Variants in GZMK observed in about 807,000 individuals in gnomAD.
GZMK encodes the protein NK-Tryp-2.
GZMK carries 18 observed loss-of-function variants against 22.8 expected under a neutral mutation model. That is an observed-to-expected ratio of 0.79 (90% CI 0.54 to 1.17). The LOEUF is 1.17. Among genes scored for constraint, GZMK ranks in the 50% most tolerant of loss-of-function variants. The pLI, the probability that GZMK is intolerant of heterozygous loss-of-function variation, is 0.00. For missense variants in GZMK, 342 were observed against 320.2 expected, an observed-to-expected ratio of 1.07 and a Z score of -0.52; for synonymous variants, 136 against 115.0, an observed-to-expected ratio of 1.18 and a Z score of -1.17.
In GZMK at chr5:55,031,469, A is replaced by G. The variant is rs2111618295; in HGVS notation, c.469A>G (p.Thr157Ala). ...TKCKVTGWGA[T>A]DPDSLRPSDT... ...ATGCAAGGTTACTGGCTGGGGAGCC[A>G]CCGATCCAGATTCATTAAGACCTTC... The change falls in exon 4 of 5, where the codon ACC becomes GCC. Residue 157 changes from threonine to alanine, a missense_variant. Thr to Ala is a moderately conservative substitution (Grantham distance 58). Transcript: ENST00000231009. The G allele has an allele frequency of 1.9e-6, 3 of 1,614,146 alleles. No individual in the cohort carries two copies. Among genetic ancestry groups the G allele is most frequent in the East Asian group, 4.5e-5 (2 of 44,864 alleles).
intron 2 of GZMK, among the ~76,000 whole-genome samples, chr5:55,029,791 A>C (rs1015134773): frequency 6.6e-5 from 10 of 152,012 alleles, no homozygotes; most frequent in African/African-American, 2.2e-4. Flanking sequence ...CCTGGCCTCA[A>C]ATGATCCTCC....
chr5:55,031,027 G>A (rs1460394435), intron 3 of GZMK, among the ~76,000 whole-genome samples: 2 of 152,162 alleles, frequency 1.3e-5, no homozygotes, highest in Non-Finnish European at 2.9e-5. Flanking sequence ...CATACTCAAG[G>A]GTCCTATCCG....
chr5:55,027,939 C>T (rs1002735744), intron 2 of GZMK, among the ~76,000 whole-genome samples: 3 of 152,128 alleles, frequency 2.0e-5, no homozygotes, highest in African/African-American at 7.2e-5. Context: ...AGGTGGCATC[C>T]CAGAACTCAA....
rs547914148 is a variant in GZMK at position 55,033,977 on chromosome 5, C to T, written c.*51C>T. The T allele has an allele frequency of 3.5e-5, 52 of 1,479,824 alleles. No individual in the cohort carries two copies. In the Admixed American group the frequency reaches 6.7e-4, roughly 19 times the overall value. 91.7% of individuals were successfully genotyped at this position (1,479,824 alleles called of 1,614,324 possible). ...CTTGCTTCTTTTTTCCTAATATGCT[C>T]GCAGGTTAGAGTTGGGTGTAAGTAA... On this transcript the variant is annotated 3_prime_UTR_variant, in exon 5 of 5. Coordinates refer to ENST00000231009, the MANE Select transcript of GZMK (RefSeq NM_002104.3).
Position 55,033,982 on chromosome 5 carries a change from G to A in GZMK, c.*56G>A. On this transcript the variant is annotated 3_prime_UTR_variant, in exon 5 of 5. Transcript: ENST00000231009. ...TTCTTTTTTCCTAATATGCTCGCAG[G>A]TTAGAGTTGGGTGTAAGTAAAGCAG... The A allele has an allele frequency of 2.1e-6, 3 of 1,440,890 alleles. No homozygotes were observed. The highest frequency in any genetic ancestry group is 2.9e-6 in the Non-Finnish European group (3 of 1,045,476). 89.3% of individuals were successfully genotyped at this position (1,440,890 alleles called of 1,614,324 possible).
At chr5:55,030,829 A>C (rs560883831) in intron 3 of GZMK, among the ~76,000 whole-genome samples, 8 of 151,970 alleles carry the variant, frequency 5.3e-5, no homozygotes, top group Admixed American at 5.2e-4. Context: ...CATATGTAGG[A>C]GGGGAACATC....
At position 55,024,688 on chromosome 5, in the gene GZMK, A is replaced by G. The variant is rs372309551; in HGVS notation, c.93A>G (p.Lys31=). The stretch of plus-strand genomic sequence containing the variant: ...TCAATATGGAAATTATTGGAGGGAA[A>G]GAAGTGTCACCTCATTCCAGGCCAT... ...VCFNMEIIGG[K]EVSPHSRPFM... The change falls in exon 2 of 5, where the codon AAA becomes AAG. Residue 31 remains lysine, a synonymous_variant. Transcript: ENST00000231009. The G allele has an allele frequency of 1.8e-5, 29 of 1,607,622 alleles. No individual in the cohort carries two copies. Among genetic ancestry groups the G allele is most frequent in the Non-Finnish European group, 1.4e-5 (16 of 1,174,466 alleles).
At chr5:55,029,054 A>G (rs775723373) in intron 2 of GZMK, among the ~76,000 whole-genome samples, 109 of 152,080 alleles carry the variant, frequency 7.2e-4, no homozygotes, top group Non-Finnish European at 1.4e-3. Context: ...GGCCAACATG[A>G]TGAAATTCCG....
chr5:55,024,879 C>G, intron 2 of GZMK, 72 bp downstream of exon 2: 1 of 921,688 alleles, frequency 1.1e-6, no homozygotes, highest in Non-Finnish European at 1.6e-6. Context: ...AAGCTTACCT[C>G]TCCTGAATGA....
chr5:55,028,470 C>T (rs999593047), intron 2 of GZMK: 20 of 149,794 alleles, frequency 1.3e-4, no homozygotes, highest in Non-Finnish European at 1.1e-4. Flanking sequence ...AAAATAAACT[C>T]TTTTGGTAGA....
At chr5:55,027,230 G>A (rs1175599080) in intron 2 of GZMK, among the ~76,000 whole-genome samples, 2 of 152,196 alleles carry the variant, frequency 1.3e-5, no homozygotes, top group African/African-American at 4.8e-5. Flanking sequence ...GAACTTAATA[G>A]ATGTTATCGA....
In GZMK at chr5:55,024,984, T is replaced by G. The variant is rs957707815; in HGVS notation, c.212+177T>G. Reference sequence around the variant, plus strand: ...CCACGCTTTCTGTCTTGGGTTTTCCTTTTCAGAGAGAACTGAGCTGCTTTT... The same window carrying G: ...CCACGCTTTCTGTCTTGGGTTTTCCGTTTCAGAGAGAACTGAGCTGCTTTT... On this transcript the variant is annotated intron_variant, in intron 2 of 4. Coordinates refer to ENST00000231009, the MANE Select transcript of GZMK (RefSeq NM_002104.3). 1.3e-4 allele frequency: 59 copies of G among 462,148 alleles called. 1 individual carries two copies. Among genetic ancestry groups the G allele is most frequent in the Non-Finnish European group, 2.2e-4 (57 of 261,858 alleles). 28.6% of individuals were successfully genotyped at this position (462,148 alleles called of 1,614,324 possible).
intron 2 of GZMK, chr5:55,026,825 A>T (rs918189043): frequency 6.6e-6 from 1 of 152,236 alleles, no homozygotes; most frequent in Non-Finnish European, 1.5e-5. Context: ...CAGCATTTTA[A>T]CTTACCAGAA....
rs1741118863 is a variant in GZMK, at chr5:55,024,781, G to T, written c.186G>T (p.Val62=). 6.2e-7 allele frequency: 1 copy of T among 1,607,624 alleles called. No individual in the cohort carries two copies. The highest frequency in any genetic ancestry group is 2.2e-5 in the East Asian group (1 of 44,748). The change falls in exon 2 of 5, where the codon GTG becomes GTT. Residue 62 remains valine, a synonymous_variant. Coordinates refer to ENST00000231009, the MANE Select transcript of GZMK (RefSeq NM_002104.3). ...GTGTTCTGATTGATCCACAGTGGGTGCTGACAGCAGCCCACTGCCAATATC... is the reference window on the plus strand; with the variant it reads ...GTGTTCTGATTGATCCACAGTGGGTTCTGACAGCAGCCCACTGCCAATATC... ...CGGVLIDPQW[V]LTAAHCQYRF... is the part of the protein sequence containing the mutation.
rs1006296398 is a variant in GZMK at position 55,030,544 on chromosome 5, T to C, written c.323T>C (p.Val108Ala). The C allele has an allele frequency of 6.2e-7, 1 of 1,611,918 alleles. No individual in the cohort carries two copies. Among genetic ancestry groups the C allele is most frequent in the African/African-American group, 1.3e-5 (1 of 74,880 alleles). ...EIKKFIPFSR[V>A]TSDPQSNDIM... ...AAAAAATTTATACCATTCTCAAGAG[T>C]TACATCAGATCCTCAATCAAATGAT... is the stretch of plus-strand genomic sequence containing the variant. Residue 108 changes from valine (V) to alanine (A), a missense_variant, in exon 3 of 5, where the codon GTT becomes GCT. Coordinates refer to ENST00000231009, the MANE Select transcript of GZMK (RefSeq NM_002104.3).
At position 55,031,576 on chromosome 5, in the gene GZMK, T is replaced by A; in HGVS notation, c.576T>A (p.Phe192Leu). The part of the protein sequence containing the change: ...NSQSYYNGDP[F>L]ITKDMVCAGD... Reference sequence around the variant, plus strand: ...AAAGTTACTACAACGGCGACCCTTTTATCACCAAAGACATGGTCTGTGCAG... The same window carrying A: ...AAAGTTACTACAACGGCGACCCTTTAATCACCAAAGACATGGTCTGTGCAG... The change falls in exon 4 of 5, where the codon TTT (phenylalanine) becomes TTA (leucine). Residue 192 changes from phenylalanine to leucine, a missense_variant. Transcript: ENST00000231009. The A allele has an allele frequency of 1.2e-6, 2 of 1,613,988 alleles. No homozygotes were observed. The highest frequency in any genetic ancestry group is 4.5e-5 in the East Asian group (2 of 44,878).
intron 4 of GZMK, among the ~76,000 whole-genome samples, chr5:55,032,318 C>T (rs1218448193): frequency 6.6e-6 from 1 of 152,178 alleles, no homozygotes; most frequent in Non-Finnish European, 1.5e-5. Context: ...GAAGCCTTCA[C>T]CTCCATGACC....
rs763691331 is a variant in GZMK at position 55,029,541 on chromosome 5, T to TG, written c.213-893_213-892insG. The stretch of plus-strand genomic sequence containing the variant: ...AAGTGTAGGGTGGGGATCTTTGTGG[T>TG]TTTTGTTTGTTTGTTTGTTTGTTTG... On this transcript the variant is annotated intron_variant, in intron 2 of 4. Transcript: ENST00000231009. Among the ~76,000 whole-genome samples, 481 of 84,638 alleles carry TG rather than the reference T, an allele frequency of 5.7e-3. 4 individuals carry two copies. The highest frequency in any genetic ancestry group is 0.013 in the South Asian group (33 of 2,508). 55.5% of individuals were successfully genotyped at this position (84,638 alleles called of 152,430 possible). A position where few individuals can be genotyped will look rare whatever the true frequency, so the allele number is the denominator to read the frequency against.
Position 55,024,656 on chromosome 5 carries a change from G to C in GZMK, c.65-4G>C, listed in dbSNP as rs766369687. 2.5e-6 allele frequency: 4 copies of C among 1,597,660 alleles called. No homozygotes were observed. Among genetic ancestry groups the C allele is most frequent in the Non-Finnish European group, 3.4e-6 (4 of 1,167,264 alleles). ...GTGTGAAACCTTTTGGTCTACTTTT[G>C]TAGGTTTCAATATGGAAATTATTGG... On this transcript the variant is annotated splice_region_variant and splice_polypyrimidine_tract_variant and intron_variant, in intron 1 of 4. Coordinates refer to ENST00000231009, the MANE Select transcript of GZMK (RefSeq NM_002104.3).
Sources: allele counts gnomAD v4.1 joint callset (sites outside exome capture counted in the v4.1 genomes callset), GRCh38; gene constraint gnomAD v4.1.1; transcripts MANE v1.5; gene names NCBI Gene and HGNC (gene_info 2026-07-23, HGNC 2026-07-21).